The following ANKS1B variants were observed in gnomAD, a reference collection of about 807,000 sequenced individuals.
ANKS1B encodes the protein ankyrin repeat and sterile alpha motif domain-containing protein 1B.
In ANKS1B, 36 loss-of-function variants were observed where a neutral mutation model predicts 148.3. That is an observed-to-expected ratio of 0.24 (90% CI 0.19 to 0.32). The LOEUF is 0.32. ANKS1B is among the 10% of genes least tolerant of loss of function. The probability of loss-of-function intolerance (pLI) is 1.00; values close to 1 mark genes in which losing one functional copy is unlikely to be tolerated. For synonymous variants in ANKS1B, 542 were observed against 560.8 expected (o/e 0.97, Z 0.47); for missense variants, 1,157 against 1,542.6 (o/e 0.75, Z 4.19).
chr12:99,233,064 T>G (rs1318235510), intron 14 of ANKS1B, among the ~76,000 whole-genome samples: 1 of 151,986 alleles, frequency 6.6e-6, no homozygotes, highest in Non-Finnish European at 1.5e-5. Flanking sequence ...GTGCACAAAA[T>G]TATTAAAAAT....
chr12:99,346,501 A>T (rs1458652572), intron 12 of ANKS1B, among the ~76,000 whole-genome samples: 1 of 151,596 alleles, frequency 6.6e-6, no homozygotes, highest in Non-Finnish European at 1.5e-5. Context: ...TCTGGAGAAG[A>T]CCAGGAGTCA....
chr12:99,606,166 A>AT (rs912069790), intron 9 of ANKS1B, among the ~76,000 whole-genome samples: 2 of 151,386 alleles, frequency 1.3e-5, no homozygotes, highest in Admixed American at 6.6e-5. Context: ...TCTTTCACCC[A>AT]TTTTTTTTAG....
intron 1 of ANKS1B, among the ~76,000 whole-genome samples, chr12:99,885,073 T>C (rs2092749438): frequency 6.6e-6 from 1 of 152,088 alleles, no homozygotes; most frequent in Non-Finnish European, 1.5e-5. Context: ...TCATAGGTCT[T>C]TATAAAAAAG....
intron 25 of ANKS1B, among the ~76,000 whole-genome samples, chr12:98,759,751 G>A (rs934313907): frequency 2.0e-5 from 3 of 152,108 alleles, no homozygotes; most frequent in South Asian, 2.1e-4. Context: ...AACTGGAGGC[G>A]GGTGGATTGC....
intron 17 of ANKS1B, among the ~76,000 whole-genome samples, chr12:98,896,625 A>AC (rs1204553497): frequency 6.6e-6 from 1 of 152,236 alleles, no homozygotes; most frequent in African/African-American, 2.4e-5. Flanking sequence ...ATAAGCTCAG[A>AC]CTAGATGTCT....
At chr12:99,485,872 A>G (rs1230914357) in intron 10 of ANKS1B, among the ~76,000 whole-genome samples, 1 of 152,174 alleles carries the variant, frequency 6.6e-6, no homozygotes, top group African/African-American at 2.4e-5. Context: ...CATTTCCAGA[A>G]GTTCGGATTG....
chr12:99,481,878 G>GT (rs1304832677), intron 10 of ANKS1B, among the ~76,000 whole-genome samples: 1 of 146,244 alleles, frequency 6.8e-6, no homozygotes, highest in Non-Finnish European at 1.6e-5. Flanking sequence ...TTATTTGCGG[G>GT]TTTTTTGTTT....
At chr12:98,795,647 C>T (rs1315420914) in intron 22 of ANKS1B, 2 of 451,042 alleles carry the variant, frequency 4.4e-6, no homozygotes, top group Non-Finnish European at 8.9e-6. Context: ...ATTATTTGCA[C>T]ATAAAATAAG....
At chr12:99,850,281 G>GTCTCTCTCTCCCTCTC (rs2087518101) in intron 1 of ANKS1B, among the ~76,000 whole-genome samples, 4 of 114,204 alleles carry the variant, frequency 3.5e-5, no homozygotes, top group Non-Finnish European at 7.3e-5. Flanking sequence ...AAGCAAGAAA[G>GTCTCTCTCTCCCTCTC]TCTCTCTCTC....
At chr12:99,799,660 T>C (rs1243157358) in intron 4 of ANKS1B, among the ~76,000 whole-genome samples, 3 of 151,872 alleles carry the variant, frequency 2.0e-5, no homozygotes, top group Non-Finnish European at 2.9e-5. Context: ...GCTTGGGTAG[T>C]GAGTAAGGTA....
chr12:99,657,089 T>TAA (rs768974688), intron 8 of ANKS1B, among the ~76,000 whole-genome samples: 13 of 152,180 alleles, frequency 8.5e-5, no homozygotes, highest in Non-Finnish European at 1.3e-4. Context: ...TAACAACTGT[T>TAA]AGACTGAGAA....
chr12:99,193,631 T>C (rs2081017344), intron 14 of ANKS1B, among the ~76,000 whole-genome samples: 1 of 152,006 alleles, frequency 6.6e-6, no homozygotes, highest in Non-Finnish European at 1.5e-5. Context: ...TTGTGAACCT[T>C]GTGATGGGTG....
chr12:99,744,102 C>A (rs1425498514), intron 8 of ANKS1B, among the ~76,000 whole-genome samples: 1 of 152,050 alleles, frequency 6.6e-6, no homozygotes, highest in African/African-American at 2.4e-5. Flanking sequence ...GTTCCTGCAA[C>A]CAACCCCCTG....
At chr12:99,717,403 C>A (rs575146172) in intron 8 of ANKS1B, among the ~76,000 whole-genome samples, 4 of 152,342 alleles carry the variant, frequency 2.6e-5, no homozygotes, top group South Asian at 2.1e-4. Context: ...AACTTCCAAA[C>A]GCCTAAACCG....
At chr12:99,469,931 G>A (rs144750430) in intron 10 of ANKS1B, among the ~76,000 whole-genome samples, 1 of 151,948 alleles carries the variant, frequency 6.6e-6, no homozygotes, top group Non-Finnish European at 1.5e-5. Flanking sequence ...ACAAGCCTGG[G>A]CAACATAGGA....
intron 1 of ANKS1B, among the ~76,000 whole-genome samples, chr12:99,942,130 G>C (rs549840073): frequency 1.3e-5 from 2 of 152,222 alleles, no homozygotes; most frequent in East Asian, 3.9e-4. Flanking sequence ...CATATTTAAC[G>C]AGATGAGAGA....
At chr12:99,731,413 CGTGT>C (rs71088145) in intron 8 of ANKS1B, among the ~76,000 whole-genome samples, 5,966 of 143,588 alleles carry the variant, frequency 0.042, 137 homozygotes, top group East Asian at 0.055. Context: ...ACCACCGTGC[CGTGT>C]GTGTGTGTGT....
At chr12:99,632,490 C>G (rs1038169647) in intron 9 of ANKS1B, among the ~76,000 whole-genome samples, 13 of 151,658 alleles carry the variant, frequency 8.6e-5, no homozygotes, top group Admixed American at 6.6e-5. Flanking sequence ...TATACAGCTG[C>G]CAGCATGCAA....
At chr12:98,928,444 T>C (rs552024358) in intron 17 of ANKS1B, among the ~76,000 whole-genome samples, 4 of 152,084 alleles carry the variant, frequency 2.6e-5, no homozygotes, top group Admixed American at 2.0e-4. Context: ...GAGGCCAGTA[T>C]ACACTGACAC....
Sources: allele counts gnomAD v4.1 joint callset (sites outside exome capture counted in the v4.1 genomes callset), GRCh38; gene constraint gnomAD v4.1.1; transcripts MANE v1.5; gene names NCBI Gene and HGNC (gene_info 2026-07-23, HGNC 2026-07-21).